Variants in AGPAT4 observed in about 807,000 individuals in gnomAD.
The protein encoded by AGPAT4 is 1-acyl-sn-glycerol-3-phosphate acyltransferase delta.
In AGPAT4, 15 loss-of-function variants were observed where a neutral mutation model predicts 48.0. That is an observed-to-expected ratio of 0.31 (90% CI 0.21 to 0.48). AGPAT4 has a LOEUF of 0.48. AGPAT4 is among the 20% of genes least tolerant of loss of function. AGPAT4 has a pLI of 0.99. For synonymous variants in AGPAT4, 178 were observed against 198.7 expected (o/e 0.90, Z 0.88); for missense variants, 314 against 482.5 (o/e 0.65, Z 3.27).
rs977218368 is a variant in AGPAT4, at chr6:161,149,529, T to G, written c.665-240A>C. On this transcript the variant is annotated intron_variant, in intron 5 of 8. Coordinates refer to ENST00000320285, the MANE Select transcript of AGPAT4 (RefSeq NM_020133.3). The surrounding 1 kb of genome is among the most constrained non-coding windows in gnomAD (Gnocchi z 6.5). Reference sequence around the variant, plus strand: ...AAACAGGGTCATTGCTGAAGTCAGATCATTTTTTTCTTTTCTTTCTTTTCT... The same window carrying G: ...AAACAGGGTCATTGCTGAAGTCAGAGCATTTTTTTCTTTTCTTTCTTTTCT... Among the ~76,000 whole-genome samples, 1 of 152,112 alleles carries G rather than the reference T, an allele frequency of 6.6e-6. No individual in the cohort carries two copies. The highest frequency in any genetic ancestry group is 1.5e-5 in the Non-Finnish European group (1 of 68,014).
rs1166573495 is a variant in AGPAT4 at position 161,148,361 on chromosome 6, T to C, written c.767+826A>G. 6.6e-6 allele frequency among the ~76,000 whole-genome samples: 1 copy of C among 152,202 alleles called. No homozygotes were observed. The highest frequency in any genetic ancestry group is 2.4e-5 in the African/African-American group (1 of 41,452). Reference sequence around the variant, plus strand: ...GAAGCTACTTAACTTTGGCCGCCAGTCCACCAAAATATCTCCCAGGAAAGC... The same window carrying C: ...GAAGCTACTTAACTTTGGCCGCCAGCCCACCAAAATATCTCCCAGGAAAGC... On this transcript the variant is annotated intron_variant, in intron 6 of 8. Coordinates refer to ENST00000320285, the MANE Select transcript of AGPAT4 (RefSeq NM_020133.3). This position sits in a 1 kb window ranked among gnomAD's most constrained non-coding sequence, Gnocchi z 5.5.
Position 161,259,683 on chromosome 6 carries a change from C to T in AGPAT4, c.-90+14255G>A, listed in dbSNP as rs1783045382. Among the ~76,000 whole-genome samples the T allele has an allele frequency of 6.6e-6, 1 of 152,136 alleles. No individual in the cohort carries two copies. The highest frequency in any genetic ancestry group is 6.5e-5 in the Admixed American group (1 of 15,284). ...TTACCCCAACTGTGGGGTCCCAGGT[C>T]ACCGCACAGTTCACATGCCCAGGAG... On this transcript the variant is annotated intron_variant, in intron 1 of 8. Transcript: ENST00000320285. The surrounding 1 kb of genome is among the most constrained non-coding windows in gnomAD (Gnocchi z 4.9).
intron 1 of AGPAT4, among the ~76,000 whole-genome samples, chr6:161,265,519 T>C (rs1783231333): frequency 6.6e-6 from 1 of 151,830 alleles, no homozygotes; most frequent in African/African-American, 2.4e-5. Context: ...GACTGGGTGC[T>C]GGATTAGTAC....
rs1209205473 is a variant in AGPAT4, at chr6:161,144,631, C to G, written c.843+1893G>C. 1.3e-5 allele frequency among the ~76,000 whole-genome samples: 2 copies of G among 152,142 alleles called. No homozygotes were observed. The highest frequency in any genetic ancestry group is 2.9e-5 in the Non-Finnish European group (2 of 68,028). ...GTAGATTTGTTTGTGTGGCTCTTTACAAAAGAGGCTCATTTTCTAAACCTT... is the reference window on the plus strand; with the variant it reads ...GTAGATTTGTTTGTGTGGCTCTTTAGAAAAGAGGCTCATTTTCTAAACCTT... On this transcript the variant is annotated intron_variant, in intron 7 of 8. Transcript: ENST00000320285. This position sits in a 1 kb window ranked among gnomAD's most constrained non-coding sequence, Gnocchi z 6.6.
In AGPAT4 at chr6:161,152,933, T is replaced by C. The variant is rs557572450; in HGVS notation, c.664+413A>G. On this transcript the variant is annotated intron_variant, in intron 5 of 8. Transcript: ENST00000320285. ...CTTCTTACCGATGGCCATTTAGGGT[T>C]CCAGACTCCGAGGTCAGCTGTGACA... is the stretch of plus-strand genomic sequence containing the variant. Among the ~76,000 whole-genome samples, 37 of 152,324 alleles carry C rather than the reference T, an allele frequency of 2.4e-4. 1 individual carries two copies. The South Asian group carries it at 7.5e-3, about 31-fold the overall frequency.
Position 161,220,879 on chromosome 6 carries a change from G to T in AGPAT4, c.178+11157C>A, listed in dbSNP as rs189539801. 5.3e-3 allele frequency among the ~76,000 whole-genome samples: 813 copies of T among 152,220 alleles called. 5 individuals carry two copies. The highest frequency in any genetic ancestry group is 0.027 in the South Asian group (130 of 4,814). ...GCTCACTGCAACTTCTGCCTCCCGGGTTCAAGCAATTCTCCTGCCTCAGTC... is the reference window on the plus strand; with the variant it reads ...GCTCACTGCAACTTCTGCCTCCCGGTTTCAAGCAATTCTCCTGCCTCAGTC... On this transcript the variant is annotated intron_variant, in intron 2 of 8. Coordinates refer to ENST00000320285, the MANE Select transcript of AGPAT4 (RefSeq NM_020133.3). The surrounding 1 kb of genome is among the most constrained non-coding windows in gnomAD (Gnocchi z 6.0).
Position 161,136,518 on chromosome 6 carries a change from C to A in AGPAT4, c.*22G>T. ...GCCACCAGTTCCCCAAGGTTCCCTTCGGATGGTGACACCTCCCTGAGTCAG... is the reference window on the plus strand; with the variant it reads ...GCCACCAGTTCCCCAAGGTTCCCTTAGGATGGTGACACCTCCCTGAGTCAG... On this transcript the variant is annotated 3_prime_UTR_variant, in exon 9 of 9. Transcript: ENST00000320285. 6.2e-7 allele frequency: 1 copy of A among 1,606,438 alleles called. No homozygotes were observed. The highest frequency in any genetic ancestry group is 1.1e-5 in the South Asian group (1 of 90,914).
chr6:161,184,973 A>G lies in AGPAT4; in HGVS notation c.179-18556T>C, dbSNP rs1780726234. Among the ~76,000 whole-genome samples the G allele has an allele frequency of 6.6e-6, 1 of 152,164 alleles. No homozygotes were observed. The highest frequency in any genetic ancestry group is 1.5e-5 in the Non-Finnish European group (1 of 68,030). Reference sequence around the variant, plus strand: ...CCTCACGATGAGCACCCACACACCCAGAGCACAGGAGGTTCTACGAGGCAG... The same window carrying G: ...CCTCACGATGAGCACCCACACACCCGGAGCACAGGAGGTTCTACGAGGCAG... On this transcript the variant is annotated intron_variant, in intron 2 of 8. Transcript: ENST00000320285. This position sits in a 1 kb window ranked among gnomAD's most constrained non-coding sequence, Gnocchi z 4.8.
Position 161,202,339 on chromosome 6 carries a change from C to A in AGPAT4, c.178+29697G>T, listed in dbSNP as rs891191364. Among the ~76,000 whole-genome samples the A allele has an allele frequency of 6.6e-6, 1 of 151,960 alleles. No individual in the cohort carries two copies. The highest frequency in any genetic ancestry group is 6.6e-5 in the Admixed American group (1 of 15,256). On this transcript the variant is annotated intron_variant, in intron 2 of 8. Coordinates refer to ENST00000320285, the MANE Select transcript of AGPAT4 (RefSeq NM_020133.3). The surrounding 1 kb of genome is among the most constrained non-coding windows in gnomAD (Gnocchi z 5.4). ...TCAATTCCTCTTCTCATGGGCCCGTCTGAGTGATGCCTGAATGTCTTCATG... is the reference window on the plus strand; with the variant it reads ...TCAATTCCTCTTCTCATGGGCCCGTATGAGTGATGCCTGAATGTCTTCATG...
In AGPAT4 at chr6:161,142,298, G is replaced by C. The variant is rs1438469490; in HGVS notation, c.844-2678C>G. ...CACCGCCAGCTCTGGCCAGACTCCAGGCTCTGGCAGCAGAATGTCCGTGGC... is the reference window on the plus strand; with the variant it reads ...CACCGCCAGCTCTGGCCAGACTCCACGCTCTGGCAGCAGAATGTCCGTGGC... On this transcript the variant is annotated intron_variant, in intron 7 of 8. Transcript: ENST00000320285. The surrounding 1 kb of genome is among the most constrained non-coding windows in gnomAD (Gnocchi z 6.4). 6.6e-6 allele frequency among the ~76,000 whole-genome samples: 1 copy of C among 152,232 alleles called. No homozygotes were observed. Among genetic ancestry groups the C allele is most frequent in the African/African-American group, 2.4e-5 (1 of 41,458 alleles).
Position 161,149,044 on chromosome 6 carries a change from G to A in AGPAT4, c.767+143C>T. 8.9e-7 allele frequency: 1 copy of A among 1,124,850 alleles called. No individual in the cohort carries two copies. Among genetic ancestry groups the A allele is most frequent in the Non-Finnish European group, 1.2e-6 (1 of 821,816 alleles). 69.7% of individuals were successfully genotyped at this position (1,124,850 alleles called of 1,614,324 possible). ...CTTCAGCAGATCATTCCAATAGTAG[G>A]ATGTGTCAAATTCAATGCAAAACAG... On this transcript the variant is annotated intron_variant, in intron 6 of 8. Transcript: ENST00000320285. The surrounding 1 kb of genome is among the most constrained non-coding windows in gnomAD (Gnocchi z 6.5).
Position 161,136,648 on chromosome 6 carries a change from G to C in AGPAT4, c.1043-14C>G, listed in dbSNP as rs531743305. On this transcript the variant is annotated splice_polypyrimidine_tract_variant and intron_variant, in intron 8 of 8. Coordinates refer to ENST00000320285, the MANE Select transcript of AGPAT4 (RefSeq NM_020133.3). ...CTCCCACGGAGGCTGCAGAGACAAG[G>C]AGAGCAGAGTTAGGAGTAGCCCAAA... 6.2e-7 allele frequency: 1 copy of C among 1,612,700 alleles called. No individual in the cohort carries two copies. Among genetic ancestry groups the C allele is most frequent in the Admixed American group, 1.7e-5 (1 of 60,004 alleles).
In AGPAT4 at chr6:161,141,588, TTAA is replaced by T. The variant is rs1289390915; in HGVS notation, c.844-1971_844-1969del. 6.6e-6 allele frequency among the ~76,000 whole-genome samples: 1 copy of T among 150,684 alleles called. No individual in the cohort carries two copies. The highest frequency in any genetic ancestry group is 1.5e-5 in the Non-Finnish European group (1 of 67,778). ...TGATATTTTTGTGCCTTGTTTTTTTTTAAAAAAAAAACAGCTTTCTTAAGATGT... is the reference window on the plus strand; with the variant it reads ...TGATATTTTTGTGCCTTGTTTTTTTTAAAAAAAACAGCTTTCTTAAGATGT... On this transcript the variant is annotated intron_variant, in intron 7 of 8. Coordinates refer to ENST00000320285, the MANE Select transcript of AGPAT4 (RefSeq NM_020133.3). The surrounding 1 kb of genome is among the most constrained non-coding windows in gnomAD (Gnocchi z 6.7).
Position 161,137,560 on chromosome 6 carries a change from G to A in AGPAT4, c.1043-926C>T, listed in dbSNP as rs968668183. Among the ~76,000 whole-genome samples, 7 of 151,568 alleles carry A rather than the reference G, an allele frequency of 4.6e-5. No individual in the cohort carries two copies. The highest frequency in any genetic ancestry group is 6.6e-5 in the Admixed American group (1 of 15,234). ...AAACTGGAGGGCTCCTGCATGGAGC[G>A]TAACAGTAACAGTGAGAGTGGAGTT... On this transcript the variant is annotated intron_variant, in intron 8 of 8. Transcript: ENST00000320285. This position sits in a 1 kb window ranked among gnomAD's most constrained non-coding sequence, Gnocchi z 6.1.
At chr6:161,151,200 G>A (rs367760146) in intron 5 of AGPAT4, among the ~76,000 whole-genome samples, 14 of 152,220 alleles carry the variant, frequency 9.2e-5, no homozygotes, top group African/African-American at 2.7e-4. Context: ...GTCACACTGC[G>A]CCAGCTCCTT....
rs1355242565 is a variant in AGPAT4, at chr6:161,137,752, C to T, written c.1043-1118G>A. The stretch of plus-strand genomic sequence containing the variant: ...GATGCTCCTGGAGACGCCGTGTCCA[C>T]ACTGCACCCCTCAGATGCTCCTGAA... On this transcript the variant is annotated intron_variant, in intron 8 of 8. Coordinates refer to ENST00000320285, the MANE Select transcript of AGPAT4 (RefSeq NM_020133.3). The surrounding 1 kb of genome is among the most constrained non-coding windows in gnomAD (Gnocchi z 6.1). Among the ~76,000 whole-genome samples the T allele has an allele frequency of 6.6e-6, 1 of 152,086 alleles. No homozygotes were observed. The highest frequency in any genetic ancestry group is 2.4e-5 in the African/African-American group (1 of 41,390).
rs1022598703 is a variant in AGPAT4, at chr6:161,267,936, T to C, written c.-90+6002A>G. 1.3e-5 allele frequency among the ~76,000 whole-genome samples: 2 copies of C among 152,154 alleles called. No homozygotes were observed. Among genetic ancestry groups the C allele is most frequent in the Non-Finnish European group, 1.5e-5 (1 of 68,028 alleles). ...AAATAAATTTACCACATATCTGTTA[T>C]GTGCCAGGCTCTGCACTGGGCATGG... On this transcript the variant is annotated intron_variant, in intron 1 of 8. Transcript: ENST00000320285. This position sits in a 1 kb window ranked among gnomAD's most constrained non-coding sequence, Gnocchi z 5.2.
In AGPAT4 at chr6:161,154,715, G is replaced by T. The variant is rs1226772411; in HGVS notation, c.349-405C>A. Among the ~76,000 whole-genome samples the T allele has an allele frequency of 6.6e-6, 1 of 152,222 alleles. No homozygotes were observed. Among genetic ancestry groups the T allele is most frequent in the African/African-American group, 2.4e-5 (1 of 41,460 alleles). On this transcript the variant is annotated intron_variant, in intron 3 of 8. Coordinates refer to ENST00000320285, the MANE Select transcript of AGPAT4 (RefSeq NM_020133.3). The surrounding 1 kb of genome is among the most constrained non-coding windows in gnomAD (Gnocchi z 7.8). ...ACACTAATTTGTGCACCTCTTTTCT[G>T]CAGATCTCACTGAGTTTTGTGATAT... is the stretch of plus-strand genomic sequence containing the variant.
In AGPAT4 at chr6:161,166,469, G is replaced by A. The variant is rs1780100992; in HGVS notation, c.179-52C>T. On this transcript the variant is annotated intron_variant, in intron 2 of 8. Transcript: ENST00000320285. The surrounding 1 kb of genome is among the most constrained non-coding windows in gnomAD (Gnocchi z 6.7). ...TTTACTACATGCAGCCTTGTCCTGGGAGCCCTGCTGAGAGCAGGGCTCTGC... is the reference window on the plus strand; with the variant it reads ...TTTACTACATGCAGCCTTGTCCTGGAAGCCCTGCTGAGAGCAGGGCTCTGC... 6.5e-7 allele frequency: 1 copy of A among 1,533,540 alleles called. No homozygotes were observed. Among genetic ancestry groups the A allele is most frequent in the Admixed American group, 2.1e-5 (1 of 48,382 alleles). 95.0% of individuals were successfully genotyped at this position (1,533,540 alleles called of 1,614,324 possible). A position where few individuals can be genotyped will look rare whatever the true frequency, so the allele number is the denominator to read the frequency against.
Sources: allele counts gnomAD v4.1 joint callset (sites outside exome capture counted in the v4.1 genomes callset), GRCh38; gene constraint gnomAD v4.1.1; non-coding constraint Gnocchi (gnomAD v3.1); transcripts MANE v1.5; gene names NCBI Gene and HGNC (gene_info 2026-07-23, HGNC 2026-07-21).